SFMBT2: variants seen among roughly 807,000 people sequenced by gnomAD.
SFMBT2 encodes Scm like with four mbt domains 2, also known as scm-like with four MBT domains protein 2.
In SFMBT2, 38 loss-of-function variants were observed where a neutral mutation model predicts 110.1. The observed-to-expected ratio is 0.35, with a 90% CI of 0.27 to 0.45. The LOEUF is 0.45. Ranked by LOEUF, SFMBT2 falls within the 20% of genes least tolerant of loss-of-function variation. The probability of loss-of-function intolerance (pLI) is 1.00; values close to 1 mark genes in which losing one functional copy is unlikely to be tolerated. For synonymous variants in SFMBT2, 425 were observed against 425.4 expected (o/e 1.00, Z 0.01); for missense variants, 1,011 against 1,094.9 (o/e 0.92, Z 1.08).
At chr10:7,181,705 T>G (rs1158185638) in intron 16 of SFMBT2, among the ~76,000 whole-genome samples, 1 of 152,164 alleles carries the variant, frequency 6.6e-6, no homozygotes, top group Non-Finnish European at 1.5e-5. Flanking sequence ...AAATTGATTG[T>G]GAAATCCAAC....
At chr10:7,222,674 C>CT (rs1288314711) in intron 10 of SFMBT2, among the ~76,000 whole-genome samples, 2,744 of 144,892 alleles carry the variant, frequency 0.019, 42 homozygotes, top group African/African-American at 0.055. Flanking sequence ...TCCCCATCTT[C>CT]TTTTTTTTTT....
chr10:7,294,835 CT>C (rs1320772667), intron 4 of SFMBT2, among the ~76,000 whole-genome samples: 2 of 152,166 alleles, frequency 1.3e-5, no homozygotes, highest in Admixed American at 1.3e-4. Flanking sequence ...GCATATGAAA[CT>C]GTCTTTTTCC....
At chr10:7,228,924 T>G (rs575821606) in intron 9 of SFMBT2, among the ~76,000 whole-genome samples, 1 of 152,048 alleles carries the variant, frequency 6.6e-6, no homozygotes, top group South Asian at 2.1e-4. Context: ...AAGAAAGGCA[T>G]AACCCAGGGA....
At chr10:7,334,301 G>A (rs1442399928) in intron 4 of SFMBT2, among the ~76,000 whole-genome samples, 1 of 152,020 alleles carries the variant, frequency 6.6e-6, no homozygotes, top group African/African-American at 2.4e-5. Flanking sequence ...CAGTGACACA[G>A]CCAAAGCCAC....
chr10:7,407,376 C>G (rs1025429423), intron 1 of SFMBT2, among the ~76,000 whole-genome samples: 1 of 152,210 alleles, frequency 6.6e-6, no homozygotes, highest in East Asian at 1.9e-4. Flanking sequence ...CCCTTCTCTA[C>G]GGTGCAAGAG....
intron 4 of SFMBT2, among the ~76,000 whole-genome samples, chr10:7,352,656 A>T (rs1844361426): frequency 6.6e-6 from 1 of 152,094 alleles, no homozygotes; most frequent in African/African-American, 2.4e-5. Flanking sequence ...AGCTCCCAAC[A>T]CCTCTTGCTA....
Position 7,170,830 on chromosome 10 carries a change from C to A in SFMBT2, c.2544+98G>T. 2 of 1,466,360 alleles carry A rather than the reference C, an allele frequency of 1.4e-6. No individual in the cohort carries two copies. Among genetic ancestry groups the A allele is most frequent in the East Asian group, 4.7e-5 (2 of 42,888 alleles). 90.8% of individuals were successfully genotyped at this position (1,466,360 alleles called of 1,614,324 possible). ...CCTGCCGAGCAGCGCCGAAGAACCC[C>A]CTCGCAGGTGTCACGAGGAAGCCGG... is the stretch of plus-strand genomic sequence containing the variant. On this transcript the variant is annotated intron_variant, in intron 20 of 20. Coordinates refer to ENST00000397167, the MANE Select transcript of SFMBT2 (RefSeq NM_001387889.1). This position sits in a 1 kb window ranked among gnomAD's most constrained non-coding sequence, Gnocchi z 4.6.
chr10:7,249,948 T>C lies in SFMBT2; in HGVS notation c.871-1299A>G, dbSNP rs1840748791. Among the ~76,000 whole-genome samples the C allele has an allele frequency of 2.6e-5, 4 of 152,094 alleles. No homozygotes were observed. The South Asian group carries it at 8.3e-4, about 32-fold the overall frequency. The stretch of plus-strand genomic sequence containing the variant: ...TTAATCAGAACAAGACAGGATGCGG[T>C]CAAATACGACAAAACCCAATCAAAG... On this transcript the variant is annotated intron_variant, in intron 7 of 20. Transcript: ENST00000397167.
At chr10:7,306,654 T>C (rs1457299585) in intron 4 of SFMBT2, among the ~76,000 whole-genome samples, 2 of 149,476 alleles carry the variant, frequency 1.3e-5, no homozygotes, top group East Asian at 1.9e-4. Flanking sequence ...TTAAAAGAAT[T>C]AATAATAATC....
chr10:7,344,316 C>A (rs1218369791), intron 4 of SFMBT2, among the ~76,000 whole-genome samples: 3 of 152,252 alleles, frequency 2.0e-5, no homozygotes, highest in South Asian at 2.1e-4. Context: ...AAGGGTGGGG[C>A]CAGGTGGAGA....
intron 4 of SFMBT2, among the ~76,000 whole-genome samples, chr10:7,365,662 C>T (rs904611875): frequency 1.3e-5 from 2 of 152,210 alleles, no homozygotes; most frequent in African/African-American, 4.8e-5. Context: ...GAAAGAAATT[C>T]TGACACAAGC....
intron 1 of SFMBT2, among the ~76,000 whole-genome samples, chr10:7,391,906 G>C (rs547371106): frequency 1.3e-5 from 2 of 152,002 alleles, no homozygotes; most frequent in Non-Finnish European, 2.9e-5. Context: ...GAAATGGTTG[G>C]ATAATTTTTA....
chr10:7,379,160 C>T (rs146345000), intron 2 of SFMBT2, among the ~76,000 whole-genome samples: 60 of 152,228 alleles, frequency 3.9e-4, no homozygotes, highest in African/African-American at 1.3e-3. Context: ...CATCGCGAGT[C>T]AGTTCAGAAC....
intron 4 of SFMBT2, chr10:7,329,585 G>A (rs1283378526): frequency 2.5e-6 from 2 of 815,944 alleles, no homozygotes; most frequent in Non-Finnish European, 3.0e-6. Flanking sequence ...AACACCATTT[G>A]CTGATGCTCA....
intron 4 of SFMBT2, among the ~76,000 whole-genome samples, chr10:7,287,077 CTTTTTTTTT>C (rs761728311): frequency 1.0e-5 from 1 of 99,686 alleles, no homozygotes; most frequent in Non-Finnish European, 1.9e-5. Context: ...TTTGAGGCAT[CTTTTTTTTT>C]TTTTTTTTTT....
chr10:7,193,834 C>T (rs1420492884), intron 15 of SFMBT2, among the ~76,000 whole-genome samples: 2 of 152,188 alleles, frequency 1.3e-5, no homozygotes, highest in Non-Finnish European at 2.9e-5. Flanking sequence ...ACGCAACAGC[C>T]GACAAGACCC....
intron 1 of SFMBT2, among the ~76,000 whole-genome samples, chr10:7,405,845 C>G (rs1284169486): frequency 7.0e-6 from 1 of 142,256 alleles, no homozygotes; most frequent in African/African-American, 2.5e-5. Context: ...CCCGCTCTCT[C>G]TGTCAGGAAT....
In SFMBT2 at chr10:7,171,330, C is replaced by T. The variant is rs892016121; in HGVS notation, c.2416-274G>A. On this transcript the variant is annotated intron_variant, in intron 19 of 20. Coordinates refer to ENST00000397167, the MANE Select transcript of SFMBT2 (RefSeq NM_001387889.1). The surrounding 1 kb of genome is among the most constrained non-coding windows in gnomAD (Gnocchi z 4.9). The stretch of plus-strand genomic sequence containing the variant: ...CATCCCTAGTTCAGGAAACCTTGGG[C>T]CTGCTTATGAACGAAGCATCTCTGA... 3.1e-6 allele frequency: 3 copies of T among 964,200 alleles called. No homozygotes were observed. Among genetic ancestry groups the T allele is most frequent in the African/African-American group, 1.8e-5 (1 of 56,880 alleles). The allele number at this position is 964,200 out of a possible 1,614,324, so 59.7% of individuals were successfully genotyped here.
chr10:7,237,184 A>G (rs1027465235), intron 9 of SFMBT2, among the ~76,000 whole-genome samples: 2 of 152,262 alleles, frequency 1.3e-5, no homozygotes, highest in African/African-American at 4.8e-5. Flanking sequence ...TTCCACATTT[A>G]GGAATATCCC....
Sources: allele counts gnomAD v4.1 joint callset (sites outside exome capture counted in the v4.1 genomes callset), GRCh38; gene constraint gnomAD v4.1.1; non-coding constraint Gnocchi (gnomAD v3.1); transcripts MANE v1.5; gene names NCBI Gene and HGNC (gene_info 2026-07-23, HGNC 2026-07-21).